Variants in CXCL13 observed in about 807,000 individuals in gnomAD.
The protein encoded by CXCL13 is C-X-C motif chemokine ligand 13.
In CXCL13, 7 loss-of-function variants were observed where a neutral mutation model predicts 12.2. The observed-to-expected ratio is 0.57, with a 90% confidence interval of 0.33 to 1.07. The LOEUF is 1.07. CXCL13 is among the 50% of genes least tolerant of loss of function. The pLI, the probability that CXCL13 is intolerant of heterozygous loss-of-function variation, is 0.04. For synonymous variants in CXCL13, 47 were observed against 42.4 expected, an observed-to-expected ratio of 1.11 and a Z score of -0.42; for missense variants, 113 against 127.4, an observed-to-expected ratio of 0.89 and a Z score of 0.55.
intron 1 of CXCL13, among the ~76,000 whole-genome samples, chr4:77,565,390 G>T (rs551600050): frequency 2.0e-4 from 30 of 152,076 alleles, no homozygotes; most frequent in Non-Finnish European, 3.4e-4. Flanking sequence ...GGCTAATACT[G>T]GTATTTGGTG....
At chr4:77,552,868 C>A (rs1725567408) in intron 1 of CXCL13, among the ~76,000 whole-genome samples, 1 of 152,194 alleles carries the variant, frequency 6.6e-6, no homozygotes, top group Non-Finnish European at 1.5e-5. Flanking sequence ...GTACAGGAAG[C>A]ATGAGGTGGC....
intron 1 of CXCL13, among the ~76,000 whole-genome samples, chr4:77,583,845 G>A (rs964011254): frequency 6.6e-6 from 1 of 152,164 alleles, no homozygotes; most frequent in African/African-American, 2.4e-5. Flanking sequence ...TCATGGGCTA[G>A]GTGAGTTTGT....
At chr4:77,522,603 C>T (rs76397069) in intron 1 of CXCL13, among the ~76,000 whole-genome samples, 3 of 130,110 alleles carry the variant, frequency 2.3e-5, no homozygotes, top group Admixed American at 1.8e-4. Flanking sequence ...TTATGTGTGT[C>T]TCTGCATGTG....
At chr4:77,583,779 G>A (rs1273710148) in intron 1 of CXCL13, among the ~76,000 whole-genome samples, 2 of 152,178 alleles carry the variant, frequency 1.3e-5, no homozygotes, top group Non-Finnish European at 2.9e-5. Context: ...TTTCTAGGCC[G>A]TTATAAGTGG....
At chr4:77,588,135 T>TG (rs1726523101) in intron 1 of CXCL13, among the ~76,000 whole-genome samples, 2 of 151,990 alleles carry the variant, frequency 1.3e-5, no homozygotes, top group African/African-American at 4.8e-5. Flanking sequence ...TACAAAGGAT[T>TG]AAAAAAGGAA....
At chr4:77,553,017 A>C (rs1048169788) in intron 1 of CXCL13, among the ~76,000 whole-genome samples, 4 of 152,130 alleles carry the variant, frequency 2.6e-5, no homozygotes, top group Non-Finnish European at 5.9e-5. Flanking sequence ...AGGCAAGGGG[A>C]TGGTACTCTG....
At chr4:77,576,885 G>A (rs1578061690) in intron 1 of CXCL13, among the ~76,000 whole-genome samples, 2 of 152,158 alleles carry the variant, frequency 1.3e-5, no homozygotes, top group Admixed American at 1.3e-4. Flanking sequence ...AATGAGGACT[G>A]GAGAGAGAGA....
intron 1 of CXCL13, among the ~76,000 whole-genome samples, chr4:77,574,064 T>A (rs920671857): frequency 3.3e-5 from 5 of 151,854 alleles, no homozygotes; most frequent in Non-Finnish European, 7.4e-5. Flanking sequence ...CTAGCTAGAG[T>A]CTGGTAATTA....
intron 1 of CXCL13, among the ~76,000 whole-genome samples, chr4:77,600,709 C>T (rs559844099): frequency 6.6e-6 from 1 of 152,290 alleles, no homozygotes; most frequent in East Asian, 1.9e-4. Context: ...AGAAATCTTT[C>T]TAATCACAGA....
intron 1 of CXCL13, among the ~76,000 whole-genome samples, chr4:77,542,439 G>A (rs954966019): frequency 1.2e-4 from 18 of 151,902 alleles, no homozygotes; most frequent in Non-Finnish European, 2.4e-4. Flanking sequence ...GTCTAATTGA[G>A]AGTTTTTTCT....
At position 77,607,837 on chromosome 4, in the gene CXCL13, T is replaced by TCC. The variant is rs1467216803; in HGVS notation, c.197+2_197+3insCC. On this transcript the variant is annotated splice_region_variant and intron_variant, in intron 2 of 3. Transcript: ENST00000682537. ...TGGTTGTCCAAGAAAAGAAATCATG[T>TCC]AAGTTTCAAGAGAAAAATAAATAAG... The TCC allele has an allele frequency of 6.2e-7, 1 of 1,613,702 alleles. No homozygotes were observed. Among genetic ancestry groups the TCC allele is most frequent in the Non-Finnish European group, 8.5e-7 (1 of 1,179,722 alleles).
At chr4:77,515,497 T>C (rs1175133969) in intron 1 of CXCL13, among the ~76,000 whole-genome samples, 1 of 152,244 alleles carries the variant, frequency 6.6e-6, no homozygotes, top group Non-Finnish European at 1.5e-5. Context: ...CAGTGGTTTG[T>C]AGTTCTCCTT....
chr4:77,561,827 G>A (rs1275295392), intron 1 of CXCL13, among the ~76,000 whole-genome samples: 1 of 152,214 alleles, frequency 6.6e-6, no homozygotes, highest in African/African-American at 2.4e-5. Flanking sequence ...CACTGTGGGA[G>A]CCCCTCTCTG....
chr4:77,600,747 C>T (rs1457085798), intron 1 of CXCL13, among the ~76,000 whole-genome samples: 5 of 152,074 alleles, frequency 3.3e-5, no homozygotes, highest in Admixed American at 3.3e-4. Flanking sequence ...CTGCTGAGGC[C>T]GAATGTGATC....
intron 1 of CXCL13, among the ~76,000 whole-genome samples, chr4:77,555,458 G>T (rs1725637395): frequency 6.6e-6 from 1 of 152,002 alleles, no homozygotes; most frequent in Admixed American, 6.6e-5. Flanking sequence ...TGAACCACTG[G>T]ATGCCTATGT....
At chr4:77,588,041 T>C (rs1726520252) in intron 1 of CXCL13, among the ~76,000 whole-genome samples, 1 of 152,250 alleles carries the variant, frequency 6.6e-6, no homozygotes, top group Non-Finnish European at 1.5e-5. Flanking sequence ...TGAAGGGTGC[T>C]GATGTAGGGC....
chr4:77,553,828 T>A (rs536916634), intron 1 of CXCL13, among the ~76,000 whole-genome samples: 83 of 152,242 alleles, frequency 5.5e-4, no homozygotes, highest in African/African-American at 7.5e-4. Flanking sequence ...AATTTTTTTT[T>A]AAAAAGCAAA....
intron 1 of CXCL13, among the ~76,000 whole-genome samples, chr4:77,583,390 C>G (rs1035785624): frequency 1.6e-4 from 24 of 152,186 alleles, no homozygotes; most frequent in African/African-American, 5.5e-4. Context: ...ACTCCTGCCA[C>G]TCTCATGTTT....
At chr4:77,598,402 G>A (rs778449671) in intron 1 of CXCL13, among the ~76,000 whole-genome samples, 11 of 152,094 alleles carry the variant, frequency 7.2e-5, no homozygotes, top group African/African-American at 1.9e-4. Context: ...CAATCCCTTC[G>A]TCCCTTTCAG....
Sources: gnomAD v4.1 joint callset for allele counts (sites outside exome capture counted in the v4.1 genomes callset) on GRCh38, gnomAD v4.1.1 for gene constraint, MANE v1.5 for transcripts, NCBI Gene and HGNC (gene_info 2026-07-23, HGNC 2026-07-21) for gene names.